Variants in GRIK1 observed in about 807,000 individuals in gnomAD.
The protein encoded by GRIK1 is glutamate ionotropic receptor kainate type subunit 1.
GRIK1 carries 69 observed loss-of-function variants against 105.7 expected under a neutral mutation model. The observed-to-expected ratio is 0.65, with a 90% CI of 0.54 to 0.80. GRIK1 has a LOEUF of 0.80. Among genes scored for constraint, GRIK1 ranks in the 30% least tolerant of loss-of-function variants. The pLI, the probability that GRIK1 is intolerant of heterozygous loss-of-function variation, is 0.00. For synonymous variants in GRIK1, 438 were observed against 431.3 expected (o/e 1.02, Z -0.19); for missense variants, 1,109 against 1,167.3 (o/e 0.95, Z 0.73).
intron 1 of GRIK1, among the ~76,000 whole-genome samples, chr21:29,835,285 T>C (rs1356466663): frequency 6.6e-6 from 1 of 152,188 alleles, no homozygotes; most frequent in African/African-American, 2.4e-5. Context: ...ACTTAGTTCT[T>C]CTGCTGGTGG....
At chr21:29,572,226 C>T (rs2146216705) in intron 14 of GRIK1, among the ~76,000 whole-genome samples, 1 of 152,314 alleles carries the variant, frequency 6.6e-6, no homozygotes, top group South Asian at 2.1e-4. Context: ...GTACATCCCT[C>T]TGACGCTTTC....
intron 7 of GRIK1, among the ~76,000 whole-genome samples, chr21:29,611,711 A>G (rs962519539): frequency 6.6e-6 from 1 of 152,166 alleles, no homozygotes; most frequent in African/African-American, 2.4e-5. Context: ...ACCAAACTGC[A>G]TTTCCATCAA....
At chr21:29,675,450 T>G (rs1292498078) in intron 3 of GRIK1, among the ~76,000 whole-genome samples, 1 of 152,194 alleles carries the variant, frequency 6.6e-6, no homozygotes, top group Admixed American at 6.5e-5. Context: ...ATTTAAAAAG[T>G]GCATTTTGTG....
At chr21:29,796,461 A>G (rs1672269027) in intron 1 of GRIK1, among the ~76,000 whole-genome samples, 1 of 152,112 alleles carries the variant, frequency 6.6e-6, no homozygotes, top group African/African-American at 2.4e-5. Flanking sequence ...TTAATTACAG[A>G]AATTATATCT....
chr21:29,683,768 A>C (rs1163477891), intron 3 of GRIK1, among the ~76,000 whole-genome samples: 1 of 152,218 alleles, frequency 6.6e-6, no homozygotes, highest in Non-Finnish European at 1.5e-5. Context: ...AATCTAAACC[A>C]AAAGTTGAAA....
chr21:29,830,313 ACACACACACACACACAC>A (rs2067592478), intron 1 of GRIK1, among the ~76,000 whole-genome samples: 1 of 114,602 alleles, frequency 8.7e-6, no homozygotes, highest in African/African-American at 2.8e-5. Context: ...CTCCCCACAC[ACACACACACACACACAC>A]ACACACACAC....
At chr21:29,776,195 A>G (rs948775758) in intron 1 of GRIK1, among the ~76,000 whole-genome samples, 1 of 152,244 alleles carries the variant, frequency 6.6e-6, no homozygotes, top group Admixed American at 6.5e-5. Context: ...ACATGGGATT[A>G]TGAGGATTAT....
intron 6 of GRIK1, among the ~76,000 whole-genome samples, chr21:29,650,285 C>T (rs2062704644): frequency 6.6e-6 from 1 of 152,098 alleles, no homozygotes; most frequent in Non-Finnish European, 1.5e-5. Flanking sequence ...ATCTTAAAAG[C>T]GAGAGTGCGT....
chr21:29,747,557 C>T (rs538805788), intron 1 of GRIK1, among the ~76,000 whole-genome samples: 51 of 152,184 alleles, frequency 3.4e-4, no homozygotes, highest in African/African-American at 9.2e-4. Context: ...TGGGCCAGGC[C>T]GGGTGGCTCA....
At chr21:29,678,287 C>G (rs377222008) in intron 3 of GRIK1, among the ~76,000 whole-genome samples, 4 of 152,030 alleles carry the variant, frequency 2.6e-5, no homozygotes, top group African/African-American at 9.7e-5. Context: ...GGTATGTGAG[C>G]GAATTACCTG....
intron 7 of GRIK1, among the ~76,000 whole-genome samples, chr21:29,609,131 TTAAA>T (rs1283493598): frequency 6.7e-6 from 1 of 149,582 alleles, no homozygotes; most frequent in African/African-American, 2.4e-5. Context: ...AAAGGTATTA[TTAAA>T]TAATAAGATA....
At chr21:29,803,750 T>A (rs2066778403) in intron 1 of GRIK1, among the ~76,000 whole-genome samples, 2 of 152,062 alleles carry the variant, frequency 1.3e-5, no homozygotes, top group African/African-American at 4.8e-5. Context: ...AATATGTTTT[T>A]TTTTCCCAGC....
rs552323372 is a variant in GRIK1 at position 29,821,002 on chromosome 21, C to T, written c.118+118381G>A. On this transcript the variant is annotated intron_variant, in intron 1 of 17. Coordinates refer to ENST00000327783, the MANE Select transcript of GRIK1 (RefSeq NM_001330994.2). ...TCACTTGAAACTCCTGAGCAATATC[C>T]TATAAAGTTGAGACCCACAAAACTG... 5.3e-5 allele frequency among the ~76,000 whole-genome samples: 8 copies of T among 151,496 alleles called. No individual in the cohort carries two copies. In the South Asian group the frequency reaches 1.2e-3, roughly 24 times the overall value.
At chr21:29,700,902 A>G (rs1304499974) in intron 1 of GRIK1, among the ~76,000 whole-genome samples, 1 of 151,004 alleles carries the variant, frequency 6.6e-6, no homozygotes, top group East Asian at 2.0e-4. Context: ...AAAAACAAAC[A>G]AAAAAAACAC....
intron 1 of GRIK1, among the ~76,000 whole-genome samples, chr21:29,919,552 C>T (rs1006844503): frequency 1.3e-5 from 2 of 152,074 alleles, no homozygotes; most frequent in Admixed American, 1.3e-4. Flanking sequence ...ATATGAGAAA[C>T]ATATTCAAGG....
At chr21:29,846,417 G>A (rs1027101903) in intron 1 of GRIK1, among the ~76,000 whole-genome samples, 2 of 132,224 alleles carry the variant, frequency 1.5e-5, no homozygotes, top group Non-Finnish European at 3.3e-5. Flanking sequence ...GAAAGAGAAA[G>A]AAAGAAAAAA....
chr21:29,579,539 T>TA (rs1002341867), intron 13 of GRIK1, among the ~76,000 whole-genome samples: 5 of 152,012 alleles, frequency 3.3e-5, no homozygotes, highest in Non-Finnish European at 5.9e-5. Context: ...TCATCACATT[T>TA]AAAAAAAATT....
intron 1 of GRIK1, among the ~76,000 whole-genome samples, chr21:29,868,427 GC>G (rs2068900223): frequency 2.0e-5 from 3 of 152,246 alleles, no homozygotes; most frequent in Admixed American, 6.5e-5. Flanking sequence ...CCTGTTAGAA[GC>G]CTGTTACAAA....
chr21:29,537,240 G>T lies in GRIK1; in HGVS notation c.2840C>A (p.Thr947Asn), dbSNP rs747152489. The T allele has an allele frequency of 2.5e-6, 4 of 1,603,598 alleles. No individual in the cohort carries two copies. Among genetic ancestry groups the T allele is most frequent in the Non-Finnish European group, 3.4e-6 (4 of 1,176,240 alleles). The change falls in exon 18 of 18, where the codon ACT becomes AAT. Residue 947 changes from threonine (T) to asparagine (N), a missense_variant. Thr to Asn is a moderately conservative substitution (Grantham distance 65, BLOSUM62 0). Coordinates refer to ENST00000327783, the MANE Select transcript of GRIK1 (RefSeq NM_001330994.2). Reference protein sequence around the residue: ...CHQRRTQRKETVA With the variant: ...CHQRRTQRKENVA ...AGGCGTTTCCTTGGATCACGCCACA[G>T]TCTCTTTTCTCTGAGTTCGTCTCTG...
Sources: allele counts gnomAD v4.1 joint callset (sites outside exome capture counted in the v4.1 genomes callset), GRCh38; gene constraint gnomAD v4.1.1; transcripts MANE v1.5; gene names NCBI Gene and HGNC (gene_info 2026-07-23, HGNC 2026-07-21).